Variants in SCN11A observed in about 807,000 individuals in gnomAD.
The protein encoded by SCN11A is sodium channel protein type 11 subunit alpha.
Under a neutral mutation model 162.2 loss-of-function variants are expected in SCN11A, and 122 were observed. The ratio of observed to expected loss-of-function variants is 0.75; its 90% CI spans 0.65 to 0.87. The LOEUF (loss-of-function observed/expected upper bound fraction) is 0.87, where lower values mean the gene tolerates loss of function less well. Ranked by LOEUF, SCN11A falls within the 40% of genes least tolerant of loss-of-function variation. SCN11A has a pLI of 0.00. For missense variants in SCN11A, 2,015 were observed against 2,181.6 expected (o/e 0.92, Z 1.52); for synonymous variants, 758 against 751.5 (o/e 1.01, Z -0.14).
chr3:38,962,779 C>T (rs762289347), intron 2 of SCN11A, among the ~76,000 whole-genome samples: 39 of 151,844 alleles, frequency 2.6e-4, no homozygotes, highest in South Asian at 8.4e-4. Context: ...ACCCAGGGAG[C>T]GGAGGTTGCA....
At chr3:38,903,760 A>G in intron 16 of SCN11A, 105 bp downstream of exon 16, 1 of 849,460 alleles carries the variant, frequency 1.2e-6, no homozygotes, top group South Asian at 1.9e-5. Flanking sequence ...GAAGGGGACC[A>G]AAAACCTAGG....
intron 3 of SCN11A, among the ~76,000 whole-genome samples, chr3:38,959,016 G>A (rs905539511): frequency 3.3e-5 from 5 of 152,152 alleles, no homozygotes; most frequent in African/African-American, 1.2e-4. Context: ...AACTGATACT[G>A]TGATTCTCAT....
At chr3:38,929,139 A>G (rs1055652922) in intron 7 of SCN11A, among the ~76,000 whole-genome samples, 7,904 of 67,246 alleles carry the variant, frequency 0.12, 306 homozygotes, top group Non-Finnish European at 0.19. Context: ...GTGCACGCAC[A>G]CACACACACA....
intron 28 of SCN11A, among the ~76,000 whole-genome samples, chr3:38,852,518 A>G (rs530355698): frequency 6.6e-6 from 1 of 152,332 alleles, no homozygotes; most frequent in East Asian, 1.9e-4. Context: ...AAAGCATTCT[A>G]TGTCACTTCA....
intron 2 of SCN11A, among the ~76,000 whole-genome samples, chr3:38,963,499 TATATATATGATGGAGATAC>T (rs2066761052): frequency 6.8e-6 from 1 of 147,756 alleles, no homozygotes; most frequent in Non-Finnish European, 1.5e-5. Flanking sequence ...TGGAGATATA[TATATATATGATGGAGATAC>T]ATATATATAA....
At chr3:38,854,716 C>T (rs1251309046) in intron 28 of SCN11A, among the ~76,000 whole-genome samples, 1 of 152,230 alleles carries the variant, frequency 6.6e-6, no homozygotes, top group Non-Finnish European at 1.5e-5. Flanking sequence ...CACACATCCC[C>T]ACTGGGGAAT....
intron 14 of SCN11A, among the ~76,000 whole-genome samples, chr3:38,907,605 C>T (rs1477293358): frequency 6.6e-6 from 1 of 152,012 alleles, no homozygotes; most frequent in Non-Finnish European, 1.5e-5. Context: ...ATAGTTCCTC[C>T]TCTGTTCTCC....
chr3:38,877,937 A>G (rs2065246566), intron 23 of SCN11A, among the ~76,000 whole-genome samples: 2 of 151,548 alleles, frequency 1.3e-5, no homozygotes, highest in African/African-American at 4.9e-5. Context: ...AAAACCAAAC[A>G]TTTTATGTTC....
chr3:39,028,096 G>C (rs1273071866), intron 2 of SCN11A, among the ~76,000 whole-genome samples: 2 of 152,080 alleles, frequency 1.3e-5, no homozygotes, highest in African/African-American at 4.8e-5. Flanking sequence ...AAAAAACTGT[G>C]GGAGTACAGT....
intron 11 of SCN11A, among the ~76,000 whole-genome samples, chr3:38,912,554 T>C (rs558823163): frequency 6.6e-6 from 1 of 152,188 alleles, no homozygotes; most frequent in Non-Finnish European, 1.5e-5. Flanking sequence ...CAGGGGCTTG[T>C]TGTACAGATT....
At chr3:38,996,084 G>A (rs999076516) in intron 2 of SCN11A, among the ~76,000 whole-genome samples, 2 of 152,146 alleles carry the variant, frequency 1.3e-5, no homozygotes, top group Non-Finnish European at 2.9e-5. Context: ...AAGATAGGAA[G>A]AGGGCCCTCA....
At chr3:38,848,740 T>C (rs2064719065) in intron 29 of SCN11A, among the ~76,000 whole-genome samples, 1 of 152,204 alleles carries the variant, frequency 6.6e-6, no homozygotes, top group Non-Finnish European at 1.5e-5. Context: ...TCATTTCTGC[T>C]TTGCACCATG....
At chr3:38,977,815 C>A (rs2066858244) in intron 2 of SCN11A, among the ~76,000 whole-genome samples, 2 of 152,150 alleles carry the variant, frequency 1.3e-5, no homozygotes, top group African/African-American at 4.8e-5. Context: ...ATAAGCCATT[C>A]TTTCAAAGGC....
chr3:38,884,637 A>G (rs1324672708), intron 21 of SCN11A, among the ~76,000 whole-genome samples: 1 of 152,232 alleles, frequency 6.6e-6, no homozygotes, highest in African/African-American at 2.4e-5. Flanking sequence ...AGTTCACTAC[A>G]ATGAATATAA....
chr3:39,008,096 G>A (rs888173542), intron 2 of SCN11A, among the ~76,000 whole-genome samples: 1 of 152,180 alleles, frequency 6.6e-6, no homozygotes, highest in African/African-American at 2.4e-5. Flanking sequence ...GTTTTGAATA[G>A]AGGCAAAAAG....
chr3:38,856,021 C>A (rs2064863054), intron 28 of SCN11A, among the ~76,000 whole-genome samples: 1 of 152,168 alleles, frequency 6.6e-6, no homozygotes, highest in African/African-American at 2.4e-5. Context: ...GGGGAGTGCA[C>A]CACATCAGGG....
intron 2 of SCN11A, among the ~76,000 whole-genome samples, chr3:38,966,524 T>G (rs902521931): frequency 6.6e-6 from 1 of 152,246 alleles, no homozygotes; most frequent in African/African-American, 2.4e-5. Context: ...TTTTGTTGCA[T>G]GCATAGAATG....
intron 2 of SCN11A, among the ~76,000 whole-genome samples, chr3:38,964,322 C>T (rs965318109): frequency 6.6e-6 from 1 of 152,166 alleles, no homozygotes; most frequent in Non-Finnish European, 1.5e-5. Flanking sequence ...GCTTTAGCAG[C>T]AGCAACACCT....
intron 26 of SCN11A, among the ~76,000 whole-genome samples, chr3:38,869,823 C>T (rs3924831): frequency 0.035 from 5,378 of 152,242 alleles, 130 homozygotes; most frequent in South Asian, 0.065. Flanking sequence ...ATTTTCAGAT[C>T]ACGGATGCTC....
Sources: gnomAD v4.1 joint callset for allele counts (sites outside exome capture counted in the v4.1 genomes callset) on GRCh38, gnomAD v4.1.1 for gene constraint, MANE v1.5 for transcripts, NCBI Gene and HGNC (gene_info 2026-07-23, HGNC 2026-07-21) for gene names.